CTNND2: variants seen among roughly 807,000 people sequenced by gnomAD.
CTNND2 encodes catenin delta-2.
Under a neutral mutation model 144.4 loss-of-function variants are expected in CTNND2, and 22 were observed. The observed-to-expected ratio is 0.15, with a 90% CI of 0.11 to 0.22. The LOEUF is 0.22. Ranked by LOEUF, CTNND2 falls within the 10% of genes least tolerant of loss-of-function variation. The pLI is 1.00. For missense variants in CTNND2, 1,353 were observed against 1,618.8 expected (o/e 0.84, Z 2.82); for synonymous variants, 751 against 695.6 (o/e 1.08, Z -1.25).
intron 2 of CTNND2, among the ~76,000 whole-genome samples, chr5:11,584,573 T>G (rs1778688262): frequency 6.6e-6 from 1 of 152,150 alleles, no homozygotes; most frequent in Non-Finnish European, 1.5e-5. Context: ...GCAGTGTTTA[T>G]TAAATTCCTA....
Position 11,227,061 on chromosome 5 carries a change from C to T in CTNND2, c.1761+9630G>A, listed in dbSNP as rs544966159. ...AGTGGCTTAGCACAGAGCCACACAC[C>T]GTGTGTGTGTGTTCAATTTCCTTTG... On this transcript the variant is annotated intron_variant, in intron 10 of 21. Coordinates refer to ENST00000304623, the MANE Select transcript of CTNND2 (RefSeq NM_001332.4). Among the ~76,000 whole-genome samples the T allele has an allele frequency of 5.2e-4, 79 of 152,186 alleles. 1 individual carries two copies. The South Asian group carries it at 0.016, about 30-fold the overall frequency.
intron 1 of CTNND2, among the ~76,000 whole-genome samples, chr5:11,839,486 C>T (rs1484512147): frequency 6.6e-6 from 1 of 151,916 alleles, no homozygotes; most frequent in Non-Finnish European, 1.5e-5. Flanking sequence ...CCAGGGATTA[C>T]CTGGACTTAA....
intron 3 of CTNND2, among the ~76,000 whole-genome samples, chr5:11,484,957 T>C (rs149666415): frequency 1.6e-3 from 249 of 152,330 alleles, no homozygotes; most frequent in African/African-American, 5.9e-3. Context: ...ACCTTCACTA[T>C]TTATTTATAC....
chr5:11,838,272 G>A (rs1039327591), intron 1 of CTNND2, among the ~76,000 whole-genome samples: 3 of 152,122 alleles, frequency 2.0e-5, no homozygotes, highest in Admixed American at 1.3e-4. Flanking sequence ...TTTACGCCTT[G>A]TGGAGTTCTT....
intron 5 of CTNND2, among the ~76,000 whole-genome samples, chr5:11,401,152 TA>T (rs1760615596): frequency 1.3e-5 from 2 of 152,178 alleles, no homozygotes; most frequent in South Asian, 2.1e-4. Flanking sequence ...ATTTTCTGCA[TA>T]AAAATTCAGA....
chr5:11,740,031 A>C (rs1407082041), intron 1 of CTNND2, among the ~76,000 whole-genome samples: 1 of 152,204 alleles, frequency 6.6e-6, no homozygotes, highest in African/African-American at 2.4e-5. Flanking sequence ...TGCTCAACGA[A>C]ATAAAAGAGG....
chr5:11,404,602 C>CTTTTT (rs555388304), intron 5 of CTNND2, among the ~76,000 whole-genome samples: 698 of 57,328 alleles, frequency 0.012, 228 homozygotes, highest in Non-Finnish European at 0.018. Context: ...TATCTGTATT[C>CTTTTT]TTTTTTTTTT....
chr5:11,226,414 T>G (rs532933182), intron 10 of CTNND2, among the ~76,000 whole-genome samples: 13 of 152,330 alleles, frequency 8.5e-5, no homozygotes, highest in African/African-American at 3.1e-4. Flanking sequence ...GATGAATGTA[T>G]GCCTGTGTAT....
intron 1 of CTNND2, among the ~76,000 whole-genome samples, chr5:11,742,421 A>C (rs1788070884): frequency 6.6e-6 from 1 of 151,986 alleles, no homozygotes; most frequent in Non-Finnish European, 1.5e-5. Context: ...CACCAAACAA[A>C]CAAGAGAACC....
chr5:11,478,600 T>C (rs1195495600), intron 3 of CTNND2, among the ~76,000 whole-genome samples: 1 of 152,218 alleles, frequency 6.6e-6, no homozygotes, highest in Non-Finnish European at 1.5e-5. Context: ...TCTTCAATCA[T>C]GCATATTGCT....
At chr5:11,126,475 T>C (rs1246041300) in intron 12 of CTNND2, among the ~76,000 whole-genome samples, 1 of 152,186 alleles carries the variant, frequency 6.6e-6, no homozygotes, top group African/African-American at 2.4e-5. Flanking sequence ...AGATAAATAA[T>C]TTCAAATCAA....
At chr5:11,902,756 A>G (rs973691987) in intron 1 of CTNND2, among the ~76,000 whole-genome samples, 1 of 152,166 alleles carries the variant, frequency 6.6e-6, no homozygotes, top group African/African-American at 2.4e-5. Context: ...GGCGAATCAG[A>G]TCAGCTCAAA....
chr5:11,735,868 G>A (rs1787655203), intron 1 of CTNND2, among the ~76,000 whole-genome samples: 1 of 152,126 alleles, frequency 6.6e-6, no homozygotes, highest in African/African-American at 2.4e-5. Context: ...GTCTTTATTA[G>A]CAGCATGAGA....
chr5:11,279,123 G>T (rs1037787355), intron 9 of CTNND2, among the ~76,000 whole-genome samples: 21 of 152,202 alleles, frequency 1.4e-4, no homozygotes, highest in African/African-American at 5.1e-4. Context: ...GACTGTCTTG[G>T]GCAGATGAGA....
At chr5:11,057,547 A>G (rs1746464600) in intron 16 of CTNND2, among the ~76,000 whole-genome samples, 1 of 152,164 alleles carries the variant, frequency 6.6e-6, no homozygotes, top group South Asian at 2.1e-4. Flanking sequence ...GGAGCTGTAA[A>G]TCCAATAAAC....
intron 1 of CTNND2, among the ~76,000 whole-genome samples, chr5:11,895,898 A>G (rs1356295143): frequency 6.6e-6 from 1 of 152,158 alleles, no homozygotes; most frequent in Non-Finnish European, 1.5e-5. Context: ...TTAGAGAAAA[A>G]CACAATATTT....
At chr5:11,474,469 T>C (rs922533612) in intron 3 of CTNND2, among the ~76,000 whole-genome samples, 3 of 152,138 alleles carry the variant, frequency 2.0e-5, no homozygotes, top group African/African-American at 4.8e-5. Context: ...GAGACAATAA[T>C]AGCTAATTGG....
intron 1 of CTNND2, among the ~76,000 whole-genome samples, chr5:11,893,888 C>T (rs1363283371): frequency 1.3e-5 from 2 of 152,140 alleles, no homozygotes; most frequent in African/African-American, 4.8e-5. Flanking sequence ...TATAGGCAGT[C>T]AGCAAAACGA....
At chr5:11,347,150 G>A (rs1754883315) in intron 8 of CTNND2, among the ~76,000 whole-genome samples, 4 of 152,116 alleles carry the variant, frequency 2.6e-5, no homozygotes, top group African/African-American at 9.7e-5. Flanking sequence ...AGAAGAGGTG[G>A]GGTTCACATC....
Sources: allele counts gnomAD v4.1 joint callset (sites outside exome capture counted in the v4.1 genomes callset), GRCh38; gene constraint gnomAD v4.1.1; transcripts MANE v1.5; gene names NCBI Gene and HGNC (gene_info 2026-07-23, HGNC 2026-07-21).